The following WDR49 variants were observed in gnomAD, a reference collection of about 807,000 sequenced individuals.
WDR49 encodes WD repeat domain 49, also known as cilia- and flagella-associated protein 337.
Under a neutral mutation model 119.5 loss-of-function variants are expected in WDR49, and 107 were observed. That is an observed-to-expected ratio of 0.90 (90% CI 0.77 to 1.05). The LOEUF (loss-of-function observed/expected upper bound fraction) is 1.05, where lower values mean the gene tolerates loss of function less well. Ranked by LOEUF, WDR49 falls within the 50% of genes least tolerant of loss-of-function variation. WDR49 has a pLI of 0.00. For synonymous variants in WDR49, 425 were observed against 418.8 expected (o/e 1.01, Z -0.18); for missense variants, 1,240 against 1,220.5 (o/e 1.02, Z -0.24).
chr3:167,503,856 G>A lies in WDR49; in HGVS notation c.2884+1451C>T, dbSNP rs572449429. Among the ~76,000 whole-genome samples, 12 of 152,330 alleles carry A rather than the reference G, an allele frequency of 7.9e-5. No individual in the cohort carries two copies. In the South Asian group the frequency reaches 2.1e-3, roughly 26 times the overall value. On this transcript the variant is annotated intron_variant, in intron 17 of 18. Coordinates refer to ENST00000682715, the MANE Select transcript of WDR49 (RefSeq NM_001366157.1). ...GGACCCAAAGGTGGTTGCCGTTGCC[G>A]GCTCGAATGCCTGGGTTTATATCCC...
intron 15 of WDR49, among the ~76,000 whole-genome samples, chr3:167,523,865 T>A (rs1214385141): frequency 1.3e-5 from 2 of 152,198 alleles, no homozygotes; most frequent in African/African-American, 4.8e-5. Context: ...TACATGTGCA[T>A]GTGTATTTAA....
At chr3:167,653,566 G>C (rs1338493602) in intron 1 of WDR49, 67 bp from the exon 2 acceptor site, 1 of 972,558 alleles carries the variant, frequency 1.0e-6, no homozygotes, top group Admixed American at 3.4e-5. Flanking sequence ...CAAGGCATAC[G>C]ATCAGGAGGC....
At position 167,546,232 on chromosome 3, in the gene WDR49, T is replaced by C. The variant is rs548225743; in HGVS notation, c.1823+8418A>G. On this transcript the variant is annotated intron_variant, in intron 10 of 18. Transcript: ENST00000682715. Reference sequence around the variant, plus strand: ...GAATTAACACCAAAAGCACAAAATCTTTCTTATAACATGACATAAAAAATA... The same window carrying C: ...GAATTAACACCAAAAGCACAAAATCCTTCTTATAACATGACATAAAAAATA... Among the ~76,000 whole-genome samples the C allele has an allele frequency of 3.2e-4, 48 of 152,098 alleles. 1 individual carries two copies. The South Asian group carries it at 9.7e-3, about 31-fold the overall frequency.
chr3:167,581,577 G>A (rs1714532395), intron 7 of WDR49, among the ~76,000 whole-genome samples: 1 of 152,160 alleles, frequency 6.6e-6, no homozygotes, highest in Non-Finnish European at 1.5e-5. Flanking sequence ...TAGCTTTGCT[G>A]AAGAATCCCC....
Position 167,516,166 on chromosome 3 carries a change from G to A in WDR49, c.2774+6149C>T, listed in dbSNP as rs987370605. Among the ~76,000 whole-genome samples, 11 of 151,936 alleles carry A rather than the reference G, an allele frequency of 7.2e-5. No homozygotes were observed. In the East Asian group the frequency reaches 9.7e-4, roughly 13 times the overall value. ...TGTGCACAACGTGCAGGTTAGTTAC[G>A]TATACAAGTGCCATGTTGTTGTGCT... On this transcript the variant is annotated intron_variant, in intron 16 of 18. Coordinates refer to ENST00000682715, the MANE Select transcript of WDR49 (RefSeq NM_001366157.1).
At chr3:167,502,510 G>A (rs1218595608) in intron 17 of WDR49, among the ~76,000 whole-genome samples, 1 of 152,142 alleles carries the variant, frequency 6.6e-6, no homozygotes, top group Non-Finnish European at 1.5e-5. Flanking sequence ...CTTAGAGACT[G>A]GTTAAATGGT....
chr3:167,622,608 CAAT>C (rs1716925207), intron 3 of WDR49, among the ~76,000 whole-genome samples: 9 of 151,992 alleles, frequency 5.9e-5, no homozygotes, highest in Admixed American at 5.9e-4. Context: ...GTAGGCATTT[CAAT>C]AATAACAGTG....
chr3:167,580,201 T>C (rs1373657743), intron 7 of WDR49, among the ~76,000 whole-genome samples: 1 of 152,200 alleles, frequency 6.6e-6, no homozygotes, highest in African/African-American at 2.4e-5. Context: ...ACTGTTCTTC[T>C]TCTTCTAGGC....
intron 2 of WDR49, among the ~76,000 whole-genome samples, chr3:167,635,366 C>T (rs768874683): frequency 6.5e-4 from 98 of 151,718 alleles, no homozygotes; most frequent in Non-Finnish European, 1.3e-3. Context: ...TAAGACTTAT[C>T]GATTGGTTGC....
At chr3:167,554,931 CTCTT>C in intron 9 of WDR49, 133 bp from the exon 10 acceptor site, 4 of 623,838 alleles carry the variant, frequency 6.4e-6, no homozygotes, top group Non-Finnish European at 1.1e-5. Flanking sequence ...CACTATATTA[CTCTT>C]GTAATATTGT....
At chr3:167,570,892 C>T (rs111240378) in intron 8 of WDR49, among the ~76,000 whole-genome samples, 95 of 151,912 alleles carry the variant, frequency 6.3e-4, no homozygotes, top group Admixed American at 1.2e-3. Context: ...GAAAAGTAGC[C>T]GGGCATGGTG....
At chr3:167,506,272 C>G (rs1018821748) in intron 16 of WDR49, among the ~76,000 whole-genome samples, 6 of 152,024 alleles carry the variant, frequency 3.9e-5, no homozygotes, top group African/African-American at 1.4e-4. Flanking sequence ...GAGTTGTTTC[C>G]CATACTTTCA....
chr3:167,536,702 TATACACACAC>T (rs1365253451), intron 11 of WDR49, among the ~76,000 whole-genome samples, 158 bp downstream of exon 11: 1 of 120,830 alleles, frequency 8.3e-6, no homozygotes, highest in African/African-American at 3.7e-5. Flanking sequence ...TATATATATA[TATACACACAC>T]ATATATATAT....
At chr3:167,525,308 T>A (rs1159807110) in intron 15 of WDR49, among the ~76,000 whole-genome samples, 4 of 152,148 alleles carry the variant, frequency 2.6e-5, no homozygotes, top group Non-Finnish European at 5.9e-5. Context: ...GTTTTTGGGC[T>A]GAGACAATGG....
intron 2 of WDR49, among the ~76,000 whole-genome samples, chr3:167,640,021 T>G (rs141423812): frequency 1.2e-3 from 188 of 151,926 alleles, no homozygotes; most frequent in Non-Finnish European, 2.4e-3. Flanking sequence ...TCTTTCAAAC[T>G]CCTACTTTAT....
At chr3:167,613,140 T>C (rs1015240441) in intron 5 of WDR49, among the ~76,000 whole-genome samples, 1 of 152,116 alleles carries the variant, frequency 6.6e-6, no homozygotes, top group Admixed American at 6.6e-5. Flanking sequence ...TATGCTGATA[T>C]CAAAACATCT....
chr3:167,546,263 T>C (rs1228670511), intron 10 of WDR49, among the ~76,000 whole-genome samples: 1 of 151,970 alleles, frequency 6.6e-6, no homozygotes, highest in African/African-American at 2.4e-5. Flanking sequence ...AAATAGTCTT[T>C]CTGATATTTG....
intron 18 of WDR49, among the ~76,000 whole-genome samples, chr3:167,496,575 C>T (rs550680270): frequency 8.5e-5 from 13 of 152,158 alleles, no homozygotes; most frequent in African/African-American, 2.9e-4. Context: ...CCATAGGATG[C>T]AGTACTTATC....
chr3:167,492,490 T>C (rs1483282307), intron 18 of WDR49, among the ~76,000 whole-genome samples: 7 of 152,224 alleles, frequency 4.6e-5, no homozygotes, highest in African/African-American at 1.7e-4. Flanking sequence ...GAATAGTAAG[T>C]CCCACATTGT....
Sources: gnomAD v4.1 joint callset for allele counts (sites outside exome capture counted in the v4.1 genomes callset) on GRCh38, gnomAD v4.1.1 for gene constraint, MANE v1.5 for transcripts, NCBI Gene and HGNC (gene_info 2026-07-23, HGNC 2026-07-21) for gene names.